The following ELF4 variants were observed in gnomAD, a reference collection of about 807,000 sequenced individuals.
ELF4 encodes the protein E74 like ETS transcription factor 4.
A neutral mutation model predicts 31.7 loss-of-function variants in ELF4; 10 were observed. That is an observed-to-expected ratio of 0.32 (90% CI 0.19 to 0.54). The LOEUF (loss-of-function observed/expected upper bound fraction) is 0.54, where lower values mean the gene tolerates loss of function less well. ELF4 is among the 20% of genes least tolerant of loss of function. ELF4 has a pLI of 0.95. For synonymous variants in ELF4, 208 were observed against 226.7 expected, an observed-to-expected ratio of 0.92 and a Z score of 0.74; for missense variants, 418 against 522.0, an observed-to-expected ratio of 0.80 and a Z score of 1.94.
intron 1 of ELF4, among the ~76,000 whole-genome samples, chrX:130,091,848 G>A (rs927651880): frequency 2.7e-5 from 3 of 111,638 alleles, no homozygotes; most frequent in Non-Finnish European, 5.7e-5. Context: ...GACTTAGACA[G>A]GCAGTGATCA....
upstream of ELF4, among the ~76,000 whole-genome samples, chrX:130,111,011 GGGGAGGGAACGA>G (rs1285316466): frequency 2.1e-5 from 2 of 96,072 alleles, no homozygotes; most frequent in Admixed American, 2.1e-4. Context: ...GGGCGGGGTG[GGGGAGGGAACGA>G]GGGAGGGACG....
chrX:130,070,992 T>C (rs765836824), intron 7 of ELF4, 48 bp downstream of exon 7: 15 of 1,201,755 alleles, frequency 1.2e-5, no homozygotes, highest in Admixed American at 1.1e-4. Context: ...TAAGGAAGGA[T>C]TGGTGATCCC....
chrX:130,086,951 G>A (rs770210156), intron 1 of ELF4, among the ~76,000 whole-genome samples: 6 of 112,188 alleles, frequency 5.3e-5, no homozygotes, highest in South Asian at 7.4e-4. Flanking sequence ...CTGGTGCAGC[G>A]CACTGGATCC....
chrX:130,071,542 C>A, intron 5 of ELF4, 123 bp from the exon 6 acceptor site: 2 of 651,076 alleles, frequency 3.1e-6, no homozygotes, highest in South Asian at 4.8e-5. Context: ...GGCCCCAGAT[C>A]GCTCTCCACA....
At chrX:130,111,521 G>A (rs908714154), upstream of ELF4, among the ~76,000 whole-genome samples, 17 of 112,638 alleles carry the variant, frequency 1.5e-4, no homozygotes, top group Admixed American at 7.4e-4. Flanking sequence ...GCCCGACTCC[G>A]CAGAATCCTG....
intron 1 of ELF4, among the ~76,000 whole-genome samples, chrX:130,109,786 G>A (rs758751444): frequency 1.9e-4 from 22 of 113,173 alleles, no homozygotes; most frequent in African/African-American, 5.8e-4. Context: ...GGAGAGTCGG[G>A]GAGAGCGGGA....
intron 1 of ELF4, among the ~76,000 whole-genome samples, chrX:130,098,209 T>C (rs1216389129): frequency 4.5e-5 from 5 of 111,681 alleles, no homozygotes; most frequent in African/African-American, 1.6e-4. Context: ...TGAATATTCA[T>C]AGTGCTTTAT....
intron 5 of ELF4, 46 bp downstream of exon 5, chrX:130,072,179 CG>C: frequency 8.7e-7 from 1 of 1,148,064 alleles, no homozygotes; most frequent in Non-Finnish European, 1.2e-6. Flanking sequence ...CCCCACGCCC[CG>C]CCCATCCCCT....
At chrX:130,094,728 T>C (rs1933121584) in intron 1 of ELF4, among the ~76,000 whole-genome samples, 1 of 111,343 alleles carries the variant, frequency 9.0e-6, no homozygotes, top group Non-Finnish European at 1.9e-5. Flanking sequence ...CTGGAGTGAA[T>C]ACGGCTTCAC....
At chrX:130,095,276 A>G (rs984299075) in intron 1 of ELF4, among the ~76,000 whole-genome samples, 5 of 112,196 alleles carry the variant, frequency 4.5e-5, no homozygotes, top group African/African-American at 1.6e-4. Flanking sequence ...ACTACACACA[A>G]TGAACTTTGT....
intron 1 of ELF4, among the ~76,000 whole-genome samples, chrX:130,085,399 G>GGCT (rs1932946363): frequency 9.0e-6 from 1 of 111,636 alleles, no homozygotes; most frequent in African/African-American, 3.3e-5. Flanking sequence ...GAAGTGGTTT[G>GGCT]GGCTGCTCCT....
intron 1 of ELF4, among the ~76,000 whole-genome samples, chrX:130,106,883 G>T (rs947224730): frequency 3.6e-5 from 4 of 111,012 alleles, no homozygotes; most frequent in Non-Finnish European, 7.6e-5. Context: ...ACTGCAGGGG[G>T]CTATAGGGAT....
chrX:130,111,453 G>A (rs975798138), upstream of ELF4, among the ~76,000 whole-genome samples: 2 of 112,971 alleles, frequency 1.8e-5, no homozygotes, highest in Non-Finnish European at 3.8e-5. Flanking sequence ...GCGGGAGGGC[G>A]GGCCGTGCGG....
chrX:130,089,509 C>CAAAA lies in ELF4; in HGVS notation c.-209-7974_-209-7971dup, dbSNP rs777456574. Among the ~76,000 whole-genome samples the CAAAA allele has an allele frequency of 1.5e-3, 29 of 19,452 alleles. 8 individuals carry two copies. Among genetic ancestry groups the CAAAA allele is most frequent in the African/African-American group, 2.0e-3 (7 of 3,443 alleles). The allele number at this position is 19,452 out of a possible 115,157, so 16.9% of individuals were successfully genotyped here. On this transcript the variant is annotated intron_variant, in intron 1 of 8. Coordinates refer to ENST00000308167, the MANE Select transcript of ELF4 (RefSeq NM_001421.4). Reference sequence around the variant, plus strand: ...GGGCAACAAGAGTGAGACCTCAGCTCAAAAAAAAAAAAAAAAAAAAAAAAA... The same window carrying CAAAA: ...GGGCAACAAGAGTGAGACCTCAGCTCAAAAAAAAAAAAAAAAAAAAAAAAAAAAA...
At chrX:130,080,940 G>A (rs1275445942) in intron 2 of ELF4, among the ~76,000 whole-genome samples, 3 of 112,666 alleles carry the variant, frequency 2.7e-5, no homozygotes, top group East Asian at 5.5e-4. Flanking sequence ...CCCCTTATGC[G>A]TTTGGTCCAT....
chrX:130,077,731 A>G (rs5977203), intron 2 of ELF4, among the ~76,000 whole-genome samples: 10,927 of 111,841 alleles, frequency 0.098, 1,155 homozygotes, highest in African/African-American at 0.32. Flanking sequence ...CCCCATTTAT[A>G]AAATGAGAGT....
At chrX:130,087,447 T>C in intron 1 of ELF4, among the ~76,000 whole-genome samples, 1 of 112,753 alleles carries the variant, frequency 8.9e-6, no homozygotes, top group Non-Finnish European at 1.9e-5. Context: ...TGAGCTAATG[T>C]AGGCAAAAGC....
intron 1 of ELF4, among the ~76,000 whole-genome samples, chrX:130,101,676 A>G (rs894760255): frequency 6.4e-5 from 7 of 110,176 alleles, no homozygotes; most frequent in Non-Finnish European, 1.3e-4. Context: ...CTGTAATCCC[A>G]GGTACTCGGG....
At chrX:130,101,177 A>G (rs951688662) in intron 1 of ELF4, among the ~76,000 whole-genome samples, 1 of 112,477 alleles carries the variant, frequency 8.9e-6, no homozygotes, top group African/African-American at 3.2e-5. Context: ...ATCAGGTCTA[A>G]GAAGTAAAGT....
Sources: gnomAD v4.1 joint callset for allele counts (sites outside exome capture counted in the v4.1 genomes callset) on GRCh38, gnomAD v4.1.1 for gene constraint, MANE v1.5 for transcripts, NCBI Gene and HGNC (gene_info 2026-07-23, HGNC 2026-07-21) for gene names.